TPD52: variants seen among roughly 807,000 people sequenced by gnomAD.
The protein encoded by TPD52 is tumor protein D52, also known as prostate and colon associated protein.
A neutral mutation model predicts 31.3 loss-of-function variants in TPD52; 17 were observed. That is an observed-to-expected ratio of 0.54 (90% confidence interval 0.37 to 0.82). The LOEUF (loss-of-function observed/expected upper bound fraction) is 0.82. Ranked by LOEUF, TPD52 falls within the 40% of genes least tolerant of loss-of-function variation. The pLI is 0.00. For synonymous variants in TPD52, 83 were observed against 89.6 expected, an observed-to-expected ratio of 0.93 and a Z score of 0.42; for missense variants, 212 against 240.1, an observed-to-expected ratio of 0.88 and a Z score of 0.77.
chr8:80,075,152 C>T (rs1252327810), intron 1 of TPD52, among the ~76,000 whole-genome samples: 12 of 151,798 alleles, frequency 7.9e-5, no homozygotes, highest in East Asian at 5.8e-4. Context: ...GCTAATTTTT[C>T]GTATTTTAGT....
intron 1 of TPD52, among the ~76,000 whole-genome samples, chr8:80,085,790 G>A (rs905066436): frequency 1.3e-5 from 2 of 152,166 alleles, no homozygotes; most frequent in Non-Finnish European, 2.9e-5. Context: ...TGAGGAAGAA[G>A]ATGATATTTA....
intron 2 of TPD52, among the ~76,000 whole-genome samples, chr8:80,057,411 A>G (rs1464652759): frequency 5.3e-5 from 8 of 152,196 alleles, no homozygotes; most frequent in African/African-American, 1.7e-4. Flanking sequence ...ACTATTCACA[A>G]TAGCAAAGAC....
chr8:80,082,342 G>C (rs1352550540), intron 1 of TPD52, among the ~76,000 whole-genome samples: 1 of 152,140 alleles, frequency 6.6e-6, no homozygotes. Flanking sequence ...CCCTAGACTA[G>C]AAAGAGTATG....
chr8:80,089,232 G>C (rs181554242), intron 1 of TPD52, among the ~76,000 whole-genome samples: 40 of 152,322 alleles, frequency 2.6e-4, no homozygotes, highest in African/African-American at 9.4e-4. Context: ...ACCATGAACA[G>C]ACAATCAACA....
intron 1 of TPD52, among the ~76,000 whole-genome samples, chr8:80,072,626 GATATGCGTGTATATACATGTACACAGAT>G (rs1431276273): frequency 7.9e-6 from 1 of 126,752 alleles, no homozygotes; most frequent in Admixed American, 8.2e-5. Context: ...TGTACACATA[GATATGCGTGTATATACATGTACACAGAT>G]ATGTGTGTAT....
intron 2 of TPD52, among the ~76,000 whole-genome samples, chr8:80,057,095 G>A (rs1022571449): frequency 6.6e-6 from 1 of 152,114 alleles, no homozygotes; most frequent in Non-Finnish European, 1.5e-5. Flanking sequence ...TTCAACCTAG[G>A]AGGCAGAGGT....
rs895819937 is a variant in TPD52, at chr8:80,122,185, C to T, written c.19+49240G>A. Reference sequence around the variant, plus strand: ...CATAAGGGCTTTCTCTATGGTGACACGTCACATCTCAAAACAAAACAGAAA... The same window carrying T: ...CATAAGGGCTTTCTCTATGGTGACATGTCACATCTCAAAACAAAACAGAAA... On this transcript the variant is annotated intron_variant, in intron 1 of 7. Coordinates refer to ENST00000518937, the MANE Select transcript of TPD52 (RefSeq NM_001025253.3). 5.3e-5 allele frequency among the ~76,000 whole-genome samples: 8 copies of T among 152,026 alleles called. No homozygotes were observed. The East Asian group carries it at 5.8e-4, about 11-fold the overall frequency.
chr8:80,049,385 C>A (rs182084752), intron 5 of TPD52, among the ~76,000 whole-genome samples: 1 of 152,110 alleles, frequency 6.6e-6, no homozygotes, highest in Non-Finnish European at 1.5e-5. Flanking sequence ...TGAATGCCAA[C>A]GATACACAAT....
intron 1 of TPD52, among the ~76,000 whole-genome samples, chr8:80,080,088 G>A (rs1008811301): frequency 6.6e-6 from 1 of 152,120 alleles, no homozygotes; most frequent in African/African-American, 2.4e-5. Context: ...TCTAGTGATC[G>A]CATAAATAGT....
At chr8:80,128,291 ATAAG>A (rs1808772809) in intron 1 of TPD52, among the ~76,000 whole-genome samples, 1 of 152,014 alleles carries the variant, frequency 6.6e-6, no homozygotes, top group African/African-American at 2.4e-5. Context: ...AAACTCTTTA[ATAAG>A]TAAGATATTT....
At chr8:80,092,759 C>T (rs1229045990) in intron 1 of TPD52, among the ~76,000 whole-genome samples, 1 of 131,294 alleles carries the variant, frequency 7.6e-6, no homozygotes, top group African/African-American at 3.1e-5. Flanking sequence ...CCGTGTTATA[C>T]ACATTCTACC....
At chr8:80,043,442 G>T (rs1369958111) in intron 6 of TPD52, among the ~76,000 whole-genome samples, 1 of 152,106 alleles carries the variant, frequency 6.6e-6, no homozygotes, top group Non-Finnish European at 1.5e-5. Context: ...GAAAGGAAAA[G>T]GGGTTTCTTC....
Position 80,100,916 on chromosome 8 carries a change from C to T in TPD52, c.20-36323G>A, listed in dbSNP as rs1178945779. Among the ~76,000 whole-genome samples the T allele has an allele frequency of 2.0e-5, 3 of 152,210 alleles. No individual in the cohort carries two copies. In the South Asian group the frequency reaches 6.2e-4, roughly 32 times the overall value. ...TTCAAATGTTGATTTCATCCAAAAA[C>T]AGCCTCAGACACACCCAAAATATTT... is the stretch of plus-strand genomic sequence containing the variant. On this transcript the variant is annotated intron_variant, in intron 1 of 7. Transcript: ENST00000518937.
chr8:80,101,438 A>G (rs1220850372), intron 1 of TPD52, among the ~76,000 whole-genome samples: 1 of 133,094 alleles, frequency 7.5e-6, no homozygotes, highest in Non-Finnish European at 1.5e-5. Flanking sequence ...ACAGAGTGAG[A>G]CTCCCAGCTC....
intron 2 of TPD52, among the ~76,000 whole-genome samples, chr8:80,058,660 T>C (rs1303315456): frequency 1.3e-5 from 2 of 152,176 alleles, no homozygotes; most frequent in Admixed American, 6.5e-5. Context: ...TAGCTGGGCA[T>C]GGTGGCACAC....
Position 80,037,950 on chromosome 8 carries a change from G to A in TPD52, c.*166C>T. ...AAGGGTGTTTCCCAAGAATAGAGGT[G>A]AAGATATTTTCATTTTGTTTAACCC... On this transcript the variant is annotated 3_prime_UTR_variant, in exon 8 of 8. Transcript: ENST00000518937. The A allele has an allele frequency of 1.2e-6, 1 of 860,618 alleles. No individual in the cohort carries two copies. The highest frequency in any genetic ancestry group is 2.6e-5 in the East Asian group (1 of 38,738). 53.3% of individuals were successfully genotyped at this position (860,618 alleles called of 1,614,324 possible). A position where few individuals can be genotyped will look rare whatever the true frequency, so the allele number is the denominator to read the frequency against.
intron 1 of TPD52, among the ~76,000 whole-genome samples, chr8:80,157,051 G>A (rs1811020173): frequency 6.6e-6 from 1 of 152,152 alleles, no homozygotes; most frequent in Admixed American, 6.5e-5. Flanking sequence ...GTGATTTGAG[G>A]TTCCCGCTCC....
intron 1 of TPD52, among the ~76,000 whole-genome samples, chr8:80,134,325 C>T (rs1190275962): frequency 6.6e-6 from 1 of 152,154 alleles, no homozygotes; most frequent in Non-Finnish European, 1.5e-5. Context: ...CTGGGCTCAC[C>T]TTTACAAGAG....
chr8:80,072,724 T>C (rs1025461916), intron 1 of TPD52, among the ~76,000 whole-genome samples: 3 of 149,640 alleles, frequency 2.0e-5, no homozygotes, highest in Non-Finnish European at 4.4e-5. Context: ...TACGCACACA[T>C]ATATACATAT....
Sources: allele counts gnomAD v4.1 joint callset (sites outside exome capture counted in the v4.1 genomes callset), GRCh38; gene constraint gnomAD v4.1.1; transcripts MANE v1.5; gene names NCBI Gene and HGNC (gene_info 2026-07-23, HGNC 2026-07-21).